Variants in TSEN15 observed in about 807,000 individuals in gnomAD.
The protein encoded by TSEN15 is tRNA splicing endonuclease subunit 15, also known as tRNA-splicing endonuclease subunit Sen15.
TSEN15 carries 10 observed loss-of-function variants against 20.5 expected under a neutral mutation model. The observed-to-expected ratio is 0.49, with a 90% CI of 0.30 to 0.83. TSEN15 has a LOEUF of 0.83. TSEN15 is among the 40% of genes least tolerant of loss of function. TSEN15 has a pLI of 0.06. For synonymous variants in TSEN15, 72 were observed against 80.1 expected, an observed-to-expected ratio of 0.90 and a Z score of 0.54; for missense variants, 180 against 218.6, an observed-to-expected ratio of 0.82 and a Z score of 1.11.
At chr1:184,065,251 A>G (rs1650610319) in intron 3 of TSEN15, among the ~76,000 whole-genome samples, 1 of 152,174 alleles carries the variant, frequency 6.6e-6, no homozygotes, top group Admixed American at 6.5e-5. Context: ...AATTGAGCAG[A>G]TAGTACAGAG....
intron 4 of TSEN15, 74 bp downstream of exon 4, chr1:184,072,372 A>C: frequency 1.5e-6 from 2 of 1,369,890 alleles, no homozygotes; most frequent in African/African-American, 1.5e-5. Flanking sequence ...GTGTGACTCA[A>C]GTCAGTCACA....
At chr1:184,054,531 T>A (rs1483919922) in intron 2 of TSEN15, 96 bp downstream of exon 2, 1 of 1,177,154 alleles carries the variant, frequency 8.5e-7, no homozygotes, top group African/African-American at 1.5e-5. Context: ...ATAAGCAATC[T>A]TTTATGCATT....
chr1:184,075,551 G>A (rs747407910), downstream of TSEN15, among the ~76,000 whole-genome samples: 9 of 151,918 alleles, frequency 5.9e-5, no homozygotes, highest in Non-Finnish European at 1.0e-4. Flanking sequence ...GATTATAGCC[G>A]TGTCTGATTA....
intron 3 of TSEN15, among the ~76,000 whole-genome samples, chr1:184,082,783 A>G (rs1478341051): frequency 1.3e-5 from 2 of 152,016 alleles, no homozygotes; most frequent in South Asian, 2.1e-4. Context: ...TTCTAAACAT[A>G]TTGTTTTTGC....
At chr1:184,087,106 A>G (rs1215068145) in intron 3 of TSEN15, among the ~76,000 whole-genome samples, 1 of 152,196 alleles carries the variant, frequency 6.6e-6, no homozygotes. Context: ...GAGGGTAGAA[A>G]GGTATGATGA....
chr1:184,076,447 T>C (rs1220834729), downstream of TSEN15, among the ~76,000 whole-genome samples: 1 of 152,116 alleles, frequency 6.6e-6, no homozygotes, highest in Non-Finnish European at 1.5e-5. Context: ...CCCTTACTTC[T>C]GGCCTCCCTA....
intron 1 of TSEN15, among the ~76,000 whole-genome samples, chr1:184,053,342 C>G (rs191526372): frequency 1.9e-3 from 286 of 152,256 alleles, no homozygotes; most frequent in African/African-American, 5.6e-3. Flanking sequence ...TATCCCCAAA[C>G]ACACTTTTAT....
chr1:184,064,146 C>T (rs971871961), intron 3 of TSEN15, among the ~76,000 whole-genome samples: 61 of 151,902 alleles, frequency 4.0e-4, no homozygotes, highest in African/African-American at 1.4e-3. Context: ...GTGTGATAAA[C>T]GTAATGACAG....
intron 3 of TSEN15, among the ~76,000 whole-genome samples, chr1:184,061,488 T>A (rs1650452733): frequency 6.6e-6 from 1 of 152,140 alleles, no homozygotes; most frequent in South Asian, 2.1e-4. Context: ...TCTCTTTTAT[T>A]GAAGGAGACA....
intron 3 of TSEN15, among the ~76,000 whole-genome samples, chr1:184,062,436 G>C (rs944150779): frequency 6.6e-6 from 1 of 152,062 alleles, no homozygotes; most frequent in Non-Finnish European, 1.5e-5. Flanking sequence ...GAGACAACAA[G>C]AGGAATACTA....
chr1:184,058,440 T>C (rs913670162), intron 3 of TSEN15, among the ~76,000 whole-genome samples: 1 of 152,038 alleles, frequency 6.6e-6, no homozygotes, highest in South Asian at 2.1e-4. Flanking sequence ...CAAATAACTT[T>C]TTAACAAATG....
chr1:184,064,790 A>G (rs887841988), intron 3 of TSEN15, among the ~76,000 whole-genome samples: 15 of 152,196 alleles, frequency 9.9e-5, no homozygotes, highest in African/African-American at 3.6e-4. Flanking sequence ...CTGTAAGGAT[A>G]TAGATGTTTA....
chr1:184,057,429 ACAT>A (rs762671392), intron 3 of TSEN15, among the ~76,000 whole-genome samples: 10 of 151,262 alleles, frequency 6.6e-5, no homozygotes, highest in Non-Finnish European at 1.2e-4. Flanking sequence ...TGAATACTTA[ACAT>A]TTTTTCTAGC....
chr1:184,081,318 C>T (rs1651163662), intron 3 of TSEN15, among the ~76,000 whole-genome samples: 1 of 152,166 alleles, frequency 6.6e-6, no homozygotes, highest in Non-Finnish European at 1.5e-5. Flanking sequence ...ACTGAAACGA[C>T]CCATTGCATG....
rs780130539 is a variant in TSEN15 at position 184,051,824 on chromosome 1, C to G, written c.69C>G (p.Gly23=). The change falls in exon 1 of 5, where the codon GGC becomes GGG. Residue 23 remains glycine, a synonymous_variant. Coordinates refer to ENST00000645668, the MANE Select transcript of TSEN15 (RefSeq NM_052965.4). ...CSGLGPGGVR[G]FGDGGGAPSW... ...GCCTGGGTCCGGGCGGTGTTCGCGG[C>G]TTTGGCGACGGCGGTGGAGCTCCTT... The G allele has an allele frequency of 1.3e-6, 2 of 1,545,822 alleles. No individual in the cohort carries two copies. Among genetic ancestry groups the G allele is most frequent in the South Asian group, 1.2e-5 (1 of 83,228 alleles).
At chr1:184,065,802 C>G (rs1650633044) in intron 3 of TSEN15, among the ~76,000 whole-genome samples, 1 of 152,122 alleles carries the variant, frequency 6.6e-6, no homozygotes, top group South Asian at 2.1e-4. Flanking sequence ...TGTATATCTC[C>G]TTTGGTGAGG....
intron 3 of TSEN15, among the ~76,000 whole-genome samples, chr1:184,089,746 G>C (rs938705886): frequency 2.6e-5 from 4 of 151,870 alleles, no homozygotes; most frequent in Non-Finnish European, 5.9e-5. Flanking sequence ...TCAAATGCAA[G>C]AAGGAAGTAG....
chr1:184,054,517 C>A, intron 2 of TSEN15, 82 bp downstream of exon 2: 2 of 1,220,238 alleles, frequency 1.6e-6, no homozygotes, highest in Non-Finnish European at 1.2e-6. Context: ...GCATTCTTAA[C>A]ATAATAAGCA....
intron 1 of TSEN15, among the ~76,000 whole-genome samples, chr1:184,053,405 CAT>C (rs1044749142): frequency 1.3e-5 from 2 of 152,152 alleles, no homozygotes; most frequent in South Asian, 2.1e-4. Context: ...GATAAAATCA[CAT>C]GTTTAGCTTG....
Sources: gnomAD v4.1 joint callset for allele counts (sites outside exome capture counted in the v4.1 genomes callset) on GRCh38, gnomAD v4.1.1 for gene constraint, MANE v1.5 for transcripts, NCBI Gene and HGNC (gene_info 2026-07-23, HGNC 2026-07-21) for gene names.